CHPT1: variants seen among roughly 807,000 people sequenced by gnomAD.
CHPT1 encodes choline phosphotransferase 1, also known as cholinephosphotransferase 1.
Under a neutral mutation model 47.6 loss-of-function variants are expected in CHPT1, and 36 were observed. That is an observed-to-expected ratio of 0.76 (90% CI 0.58 to 1.00). The LOEUF (loss-of-function observed/expected upper bound fraction) is 1.00, where lower values mean the gene tolerates loss of function less well. CHPT1 is among the 50% of genes least tolerant of loss of function. The pLI, the probability that CHPT1 is intolerant of heterozygous loss-of-function variation, is 0.00. For missense variants in CHPT1, 458 were observed against 498.1 expected, an observed-to-expected ratio of 0.92 and a Z score of 0.77; for synonymous variants, 194 against 186.3, an observed-to-expected ratio of 1.04 and a Z score of -0.33.
intron 7 of CHPT1, 48 bp from the exon 8 acceptor site, chr12:101,726,245 GA>G: frequency 7.8e-7 from 1 of 1,284,684 alleles, no homozygotes; most frequent in South Asian, 1.2e-5. Flanking sequence ...TGCTACTTGA[GA>G]AAAGATAGAT....
intron 1 of CHPT1, among the ~76,000 whole-genome samples, chr12:101,703,787 G>A (rs925426777): frequency 1.3e-5 from 2 of 152,194 alleles, no homozygotes; most frequent in African/African-American, 4.8e-5. Context: ...TTGCAGGAAT[G>A]GAGCAATCAG....
Position 101,716,820 on chromosome 12 carries a change from TG to T in CHPT1, c.648+9del. ...ACAATGTGGGACTATACGGTAAATCTGAATATTTAAATTTATATTTAAGTAC... is the reference window on the plus strand; with the variant it reads ...ACAATGTGGGACTATACGGTAAATCTAATATTTAAATTTATATTTAAGTAC... On this transcript the variant is annotated intron_variant, in intron 4 of 8. Transcript: ENST00000229266. The T allele has an allele frequency of 6.7e-7, 1 of 1,501,108 alleles. No individual in the cohort carries two copies. The highest frequency in any genetic ancestry group is 9.0e-7 in the Non-Finnish European group (1 of 1,106,338). 93.0% of individuals were successfully genotyped at this position (1,501,108 alleles called of 1,614,324 possible).
At chr12:101,719,321 T>G (rs560575701) in intron 4 of CHPT1, among the ~76,000 whole-genome samples, 1 of 152,340 alleles carries the variant, frequency 6.6e-6, no homozygotes, top group South Asian at 2.1e-4. Context: ...CTGCTTATTC[T>G]TACCAACAAG....
chr12:101,723,622 G>C (rs1412592041), intron 6 of CHPT1, 100 bp from the exon 7 acceptor site: 5 of 737,978 alleles, frequency 6.8e-6, no homozygotes, highest in Non-Finnish European at 1.0e-5. Flanking sequence ...AGATTAAATG[G>C]TCTGTTTTAA....
chr12:101,709,952 C>A (rs1951684406), intron 1 of CHPT1, among the ~76,000 whole-genome samples: 1 of 148,826 alleles, frequency 6.7e-6, no homozygotes, highest in Non-Finnish European at 1.5e-5. Flanking sequence ...TAAATTATCA[C>A]TCCTCCGTAT....
chr12:101,714,118 C>CACTGGGA lies in CHPT1; in HGVS notation c.303_309dup (p.Leu104ThrfsTer13), dbSNP rs1951731452. Reference sequence around the variant, plus strand: ...CCATACTGGACATACCTTTTATGTGCACTGGGACTTTTTATTTACCAGTCA... The same window carrying CACTGGGA: ...CCATACTGGACATACCTTTTATGTGCACTGGGAACTGGGACTTTTTATTTACCAGTCA... On this transcript the variant is annotated frameshift_variant, in exon 2 of 9. Coordinates refer to ENST00000229266, the MANE Select transcript of CHPT1 (RefSeq NM_020244.3). LOFTEE classifies it high-confidence loss of function. The CACTGGGA allele has an allele frequency of 6.2e-7, 1 of 1,608,668 alleles. No homozygotes were observed. Among genetic ancestry groups the CACTGGGA allele is most frequent in the Non-Finnish European group, 8.5e-7 (1 of 1,175,628 alleles).
At chr12:101,700,006 C>T (rs1423012456) in intron 1 of CHPT1, among the ~76,000 whole-genome samples, 5 of 152,080 alleles carry the variant, frequency 3.3e-5, no homozygotes, top group Admixed American at 6.6e-5. Flanking sequence ...TAAAAGATTG[C>T]GATGTGCCTA....
chr12:101,707,352 A>G (rs1951648016), intron 1 of CHPT1, among the ~76,000 whole-genome samples: 1 of 152,234 alleles, frequency 6.6e-6, no homozygotes, highest in African/African-American at 2.4e-5. Context: ...AGAGACTCTT[A>G]TCAGTGAGTA....
chr12:101,719,483 T>C, intron 4 of CHPT1: 1 of 1,217,146 alleles, frequency 8.2e-7, no homozygotes, highest in Non-Finnish European at 1.1e-6. Context: ...TTTGCTGCCT[T>C]TGGAAGTTTT....
At chr12:101,703,688 C>T (rs1336808066) in intron 1 of CHPT1, among the ~76,000 whole-genome samples, 1 of 152,058 alleles carries the variant, frequency 6.6e-6, no homozygotes, top group Non-Finnish European at 1.5e-5. Flanking sequence ...GGAACCCTCC[C>T]TCCGTAAACA....
intron 8 of CHPT1, 49 bp from the exon 9 acceptor site, chr12:101,728,852 C>T (rs766908717): frequency 6.3e-7 from 1 of 1,593,914 alleles, no homozygotes; most frequent in Admixed American, 1.7e-5. Context: ...ATTCTAAAGA[C>T]TTACAATATG....
intron 7 of CHPT1, 54 bp from the exon 8 acceptor site, chr12:101,726,240 C>A: frequency 8.1e-7 from 1 of 1,227,082 alleles, no homozygotes; most frequent in Non-Finnish European, 1.2e-6. Context: ...AATAGTGCTA[C>A]TTGAGAAAAG....
chr12:101,722,816 GC>G (rs2137027329), intron 5 of CHPT1, among the ~76,000 whole-genome samples: 1 of 151,650 alleles, frequency 6.6e-6, no homozygotes, highest in South Asian at 2.1e-4. Context: ...GGCAGAATAA[GC>G]TCTATTTCAG....
At chr12:101,712,545 C>T (rs562889879) in intron 1 of CHPT1, among the ~76,000 whole-genome samples, 1 of 148,608 alleles carries the variant, frequency 6.7e-6, no homozygotes, top group East Asian at 2.0e-4. Flanking sequence ...ATGTGCTAGA[C>T]TGCTTTCTGT....
At chr12:101,725,423 A>G (rs890654490) in intron 7 of CHPT1, among the ~76,000 whole-genome samples, 2 of 152,162 alleles carry the variant, frequency 1.3e-5, no homozygotes, top group African/African-American at 4.8e-5. Context: ...ATTAATCAAA[A>G]TATCTAAAAA....
chr12:101,721,248 A>G (rs1054210941), intron 5 of CHPT1, among the ~76,000 whole-genome samples: 6 of 152,162 alleles, frequency 3.9e-5, no homozygotes, highest in South Asian at 2.1e-4. Context: ...AGACGGTGCC[A>G]CTGCACTCCA....
At chr12:101,726,580 G>A in intron 8 of CHPT1, 176 bp downstream of exon 8, 2 of 928,494 alleles carry the variant, frequency 2.2e-6, no homozygotes, top group South Asian at 6.6e-5. Context: ...CAGTTATGAA[G>A]CCCCCATTGT....
In CHPT1 at chr12:101,723,193, T is replaced by C; in HGVS notation, c.806T>C (p.Leu269Pro). ...GGCACCAGTGTCTTGTCACCTGGAC[T>C]CCACATAGGACTAATTATTATACTG... ...IAGTSVLSPG[L>P]HIGLIIILAI... is the part of the protein sequence containing the mutation. Residue 269 changes from leucine (L) to proline (P), a missense_variant, in exon 6 of 9, where the codon CTC becomes CCC. Transcript: ENST00000229266. The C allele has an allele frequency of 6.2e-7, 1 of 1,612,834 alleles. No homozygotes were observed. The highest frequency in any genetic ancestry group is 1.3e-5 in the African/African-American group (1 of 74,988).
At chr12:101,725,534 C>T (rs978714753) in intron 7 of CHPT1, among the ~76,000 whole-genome samples, 6 of 151,276 alleles carry the variant, frequency 4.0e-5, no homozygotes, top group South Asian at 2.1e-4. Context: ...TCTGTCGTAA[C>T]GAGTAATTGG....
Sources: gnomAD v4.1 joint callset for allele counts (sites outside exome capture counted in the v4.1 genomes callset) on GRCh38, gnomAD v4.1.1 for gene constraint, MANE v1.5 for transcripts, NCBI Gene and HGNC (gene_info 2026-07-23, HGNC 2026-07-21) for gene names.